The following ZNF709 variants were observed in gnomAD, a reference collection of about 807,000 sequenced individuals.
ZNF709 encodes the protein zinc finger protein 709.
ZNF709 carries 15 observed loss-of-function variants against 10.6 expected under a neutral mutation model. That is an observed-to-expected ratio of 1.41 (90% confidence interval 0.95 to 2.18). ZNF709 has a LOEUF of 2.18. Among genes scored for constraint, ZNF709 ranks in the 30% most tolerant of loss-of-function variants. The probability of loss-of-function intolerance (pLI) is 0.00; values close to 1 mark genes in which losing one functional copy is unlikely to be tolerated. For synonymous variants in ZNF709, 194 were observed against 238.8 expected, an observed-to-expected ratio of 0.81 and a Z score of 1.73; for missense variants, 589 against 774.0, an observed-to-expected ratio of 0.76 and a Z score of 2.84.
intron 1 of ZNF709, among the ~76,000 whole-genome samples, chr19:12,470,279 A>C (rs1282942547): frequency 6.6e-6 from 1 of 152,156 alleles, no homozygotes; most frequent in Admixed American, 6.5e-5. Context: ...ATGCTCCCAA[A>C]CAGCAATCCT....
intron 1 of ZNF709, among the ~76,000 whole-genome samples, chr19:12,469,832 G>C (rs900413111): frequency 6.6e-6 from 1 of 152,030 alleles, no homozygotes; most frequent in Non-Finnish European, 1.5e-5. Context: ...TGCGACCACT[G>C]TTAGCACACA....
intron 1 of ZNF709, among the ~76,000 whole-genome samples, chr19:12,484,103 C>T (rs553680646): frequency 6.6e-6 from 1 of 152,176 alleles, no homozygotes; most frequent in Non-Finnish European, 1.5e-5. Context: ...GTTGAAATAA[C>T]GACGTTGTGA....
chr19:12,472,419 G>A (rs1263203916), intron 1 of ZNF709, among the ~76,000 whole-genome samples: 1 of 151,428 alleles, frequency 6.6e-6, no homozygotes, highest in Non-Finnish European at 1.5e-5. Flanking sequence ...CTACTTGGGA[G>A]GCTGAGGCAG....
chr19:12,467,997 G>A (rs1427653933), intron 1 of ZNF709, among the ~76,000 whole-genome samples: 6 of 146,296 alleles, frequency 4.1e-5, no homozygotes, highest in Admixed American at 6.7e-5. Context: ...GCCCCCGCAC[G>A]GCCAGCCGCC....
Position 12,461,586 on chromosome 19 carries a change from CATAA to C in ZNF709, c.*2406_*2409del, listed in dbSNP as rs1970516275. On this transcript the variant is annotated 3_prime_UTR_variant, in exon 4 of 4. Coordinates refer to ENST00000397732, the MANE Select transcript of ZNF709 (RefSeq NM_152601.4). ...TGTTAACAAAACATGGTGTTTATTA[CATAA>C]ATAATACCTTGGATAAATTCAACCT... 6.6e-6 allele frequency: 1 copy of C among 152,124 alleles called. No homozygotes were observed. Among genetic ancestry groups the C allele is most frequent in the Non-Finnish European group, 1.5e-5 (1 of 68,038 alleles). The allele number at this position is 152,124 out of a possible 1,614,324, so 9.4% of individuals were successfully genotyped here. A position where few individuals can be genotyped will look rare whatever the true frequency, so the allele number is the denominator to read the frequency against.
In ZNF709 at chr19:12,463,064, G is replaced by A. The variant is rs1266489861; in HGVS notation, c.*932C>T. The A allele has an allele frequency of 1.3e-5, 2 of 152,198 alleles. No individual in the cohort carries two copies. Among genetic ancestry groups the A allele is most frequent in the Non-Finnish European group, 2.9e-5 (2 of 68,036 alleles). The allele number at this position is 152,198 out of a possible 1,614,324, so 9.4% of individuals were successfully genotyped here. A position where few individuals can be genotyped will look rare whatever the true frequency, so the allele number is the denominator to read the frequency against. The stretch of plus-strand genomic sequence containing the variant: ...GTGAATTTTCTAGAACAATATACAT[G>A]AATTAATTTGCATCAGGCTTTCCCA... On this transcript the variant is annotated 3_prime_UTR_variant, in exon 4 of 4. Coordinates refer to ENST00000397732, the MANE Select transcript of ZNF709 (RefSeq NM_152601.4).
Position 12,463,954 on chromosome 19 carries a change from A to G in ZNF709, c.*42T>C, listed in dbSNP as rs948342236. 18 of 1,226,142 alleles carry G rather than the reference A, an allele frequency of 1.5e-5. No homozygotes were observed. Among genetic ancestry groups the G allele is most frequent in the Non-Finnish European group, 1.8e-5 (17 of 920,710 alleles). 76.0% of individuals were successfully genotyped at this position (1,226,142 alleles called of 1,614,324 possible). A position where few individuals can be genotyped will look rare whatever the true frequency, so the allele number is the denominator to read the frequency against. On this transcript the variant is annotated 3_prime_UTR_variant, in exon 4 of 4. Coordinates refer to ENST00000397732, the MANE Select transcript of ZNF709 (RefSeq NM_152601.4). ...AAAAAAAAAAAAAAAAAAAGGAAATAGGACAACTGAAAACTTTGCCATATT... is the reference window on the plus strand; with the variant it reads ...AAAAAAAAAAAAAAAAAAAGGAAATGGGACAACTGAAAACTTTGCCATATT...
chr19:12,470,713 G>A (rs967995258), intron 1 of ZNF709, among the ~76,000 whole-genome samples: 2 of 151,992 alleles, frequency 1.3e-5, no homozygotes, highest in Non-Finnish European at 2.9e-5. Flanking sequence ...GGATCACAAG[G>A]TCAGGAGATC....
At position 12,465,703 on chromosome 19, in the gene ZNF709, C is replaced by A. The variant is rs1970564336; in HGVS notation, c.219G>T (p.Arg73Ser). ...TTTCTCCAAACTGACTACCTTCTTTCCTTTCACAGAGCCTCTCTACCATAT... is the reference window on the plus strand; with the variant it reads ...TTTCTCCAAACTGACTACCTTCTTTACTTTCACAGAGCCTCTCTACCATAT... Reference protein sequence around the residue: ...RSHMVERLCERKEGSQFGETI... With the variant: ...RSHMVERLCESKEGSQFGETI... Residue 73 changes from arginine (R) to serine (S), a missense_variant, in exon 4 of 4, where the codon AGG becomes AGT. Arg to Ser is a moderately radical substitution (Grantham distance 110). Transcript: ENST00000397732. The A allele has an allele frequency of 6.3e-7, 1 of 1,598,702 alleles. No individual in the cohort carries two copies. The highest frequency in any genetic ancestry group is 1.8e-5 in the Admixed American group (1 of 56,986).
chr19:12,467,710 G>A (rs889634759), intron 1 of ZNF709, among the ~76,000 whole-genome samples: 4 of 151,526 alleles, frequency 2.6e-5, no homozygotes, highest in Admixed American at 6.6e-5. Flanking sequence ...GTCTCTGCCC[G>A]GCGGCCCATC....
At chr19:12,476,267 T>C (rs978012644) in intron 1 of ZNF709, among the ~76,000 whole-genome samples, 2 of 151,778 alleles carry the variant, frequency 1.3e-5, no homozygotes, top group African/African-American at 4.8e-5. Flanking sequence ...TGGTGCACGC[T>C]TGTAGTCCCA....
At chr19:12,484,496 G>A (rs1043571278) in intron 1 of ZNF709, among the ~76,000 whole-genome samples, 159 bp downstream of exon 1, 2 of 152,060 alleles carry the variant, frequency 1.3e-5, no homozygotes, top group African/African-American at 4.8e-5. Context: ...GCCCCATCCT[G>A]CGGCCAAAGA....
chr19:12,468,945 A>C (rs575156702), intron 1 of ZNF709, among the ~76,000 whole-genome samples: 78 of 151,858 alleles, frequency 5.1e-4, no homozygotes, highest in Non-Finnish European at 8.2e-4. Context: ...GGTTCACGCC[A>C]TTCTCCTGCC....
chr19:12,466,548 A>C, intron 2 of ZNF709, 29 bp from the exon 3 acceptor site: 1 of 1,612,742 alleles, frequency 6.2e-7, no homozygotes, highest in Non-Finnish European at 8.5e-7. Context: ...AAAATCATTA[A>C]ACCTATTCGA....
intron 1 of ZNF709, among the ~76,000 whole-genome samples, chr19:12,477,087 T>C (rs915801865): frequency 6.6e-6 from 1 of 152,144 alleles, no homozygotes; most frequent in Admixed American, 6.5e-5. Context: ...AGCTGGATGG[T>C]GTCAGTAATT....
At chr19:12,475,257 TAAAAAAAAAAAAAA>T (rs71166684) in intron 1 of ZNF709, among the ~76,000 whole-genome samples, 1 of 44,732 alleles carries the variant, frequency 2.2e-5, no homozygotes, top group African/African-American at 8.1e-5. Flanking sequence ...GATTCCGTCT[TAAAAAAAAAAAAAA>T]AAAAAAAAAA....
At chr19:12,474,798 A>G (rs1020469340) in intron 1 of ZNF709, among the ~76,000 whole-genome samples, 2 of 152,240 alleles carry the variant, frequency 1.3e-5, no homozygotes, top group Admixed American at 6.5e-5. Flanking sequence ...ATATGAAAGT[A>G]TAAAACTCAT....
In ZNF709 at chr19:12,484,709, C is replaced by T; in HGVS notation, c.-52G>A. 2 of 1,613,832 alleles carry T rather than the reference C, an allele frequency of 1.2e-6. No homozygotes were observed. The highest frequency in any genetic ancestry group is 1.7e-6 in the Non-Finnish European group (2 of 1,179,800). The stretch of plus-strand genomic sequence containing the variant: ...TTCTGTTTACCTCTCCCGCGGCCAG[C>T]ACAGGTCCTACCTCCACCTGAGGCC... On this transcript the variant is annotated 5_prime_UTR_variant, in exon 1 of 4. Transcript: ENST00000397732.
chr19:12,469,040 C>T (rs1305007367), intron 1 of ZNF709, among the ~76,000 whole-genome samples: 1 of 152,170 alleles, frequency 6.6e-6, no homozygotes, highest in African/African-American at 2.4e-5. Context: ...CGGGGTTTCA[C>T]TATGTTAGCC....
Sources: allele counts gnomAD v4.1 joint callset (sites outside exome capture counted in the v4.1 genomes callset), GRCh38; gene constraint gnomAD v4.1.1; transcripts MANE v1.5; gene names NCBI Gene and HGNC (gene_info 2026-07-23, HGNC 2026-07-21).